The following ZNF469 variants were observed in gnomAD, a reference collection of about 807,000 sequenced individuals.
The protein encoded by ZNF469 is zinc finger protein 469.
In ZNF469, 1 loss-of-function variant was observed where a neutral mutation model predicts 1.0. The observed-to-expected ratio is 1.00, with a 90% CI of 0.35 to 4.73. The LOEUF (loss-of-function observed/expected upper bound fraction) is 4.73. Among genes scored for constraint, ZNF469 ranks in the 30% most tolerant of loss-of-function variants. The pLI, the probability that ZNF469 is intolerant of heterozygous loss-of-function variation, is 0.16. For missense variants in ZNF469, 6,100 were observed against 5,356.3 expected, an observed-to-expected ratio of 1.14 and a Z score of -4.33; for synonymous variants, 2,703 against 2,363.4, an observed-to-expected ratio of 1.14 and a Z score of -4.17.
the ZNF469 span, among the ~76,000 whole-genome samples, chr16:88,313,243 G>A: frequency 5.3e-5 from 8 of 152,128 alleles, no homozygotes; most frequent in Non-Finnish European, 8.8e-5. Context: ...AATTATATAT[G>A]AGAAAGCTGT....
Position 88,431,850 on chromosome 16 carries a change from G to C in ZNF469, c.4380G>C (p.Pro1460=). The C allele has an allele frequency of 6.5e-7, 1 of 1,550,042 alleles. No homozygotes were observed. The highest frequency in any genetic ancestry group is 8.7e-7 in the Non-Finnish European group (1 of 1,146,942). The stretch of plus-strand genomic sequence containing the variant: ...CCTCATCCCTCTTCCCAGACCTGCC[G>C]GTGGACAGATTCGACCCACCCCTCT... ...LESSSLFPDL[P]VDRFDPPLYG... is the part of the protein sequence containing the mutation. The change falls in exon 3 of 3, where the codon CCG becomes CCC. Residue 1460 remains proline (P), a synonymous_variant. Coordinates refer to ENST00000565624, the MANE Select transcript of ZNF469 (RefSeq NM_001367624.2).
the ZNF469 span, among the ~76,000 whole-genome samples, chr16:88,248,469 T>C: frequency 6.6e-6 from 1 of 152,106 alleles, no homozygotes; most frequent in Non-Finnish European, 1.5e-5. Flanking sequence ...CCCAGCACTT[T>C]GGGAGGCCAA....
the ZNF469 span, among the ~76,000 whole-genome samples, chr16:88,242,532 G>A: frequency 6.6e-6 from 1 of 152,200 alleles, no homozygotes; most frequent in Non-Finnish European, 1.5e-5. Flanking sequence ...TGCTACCTGA[G>A]TCACCTCTCT....
At chr16:88,321,661 T>G in the ZNF469 span, among the ~76,000 whole-genome samples, 2 of 152,326 alleles carry the variant, frequency 1.3e-5, no homozygotes, top group South Asian at 2.1e-4. Context: ...CCTCGGATTC[T>G]GCTCATAAGG....
At chr16:88,288,715 G>A in the ZNF469 span, among the ~76,000 whole-genome samples, 1 of 152,160 alleles carries the variant, frequency 6.6e-6, no homozygotes. Flanking sequence ...AGACCTGCTT[G>A]TCCAAAAAGT....
At chr16:88,233,045 C>G in the ZNF469 span, among the ~76,000 whole-genome samples, 3 of 152,188 alleles carry the variant, frequency 2.0e-5, no homozygotes, top group African/African-American at 4.8e-5. Context: ...CTGGCTCAGC[C>G]TCCCACGGCC....
chr16:88,410,468 C>T lies in ZNF469; in HGVS notation c.-191-14339C>T, dbSNP rs76722345. On this transcript the variant is annotated intron_variant, in intron 1 of 2. Coordinates refer to ENST00000565624, the MANE Select transcript of ZNF469 (RefSeq NM_001367624.2). Reference sequence around the variant, plus strand: ...GTCACACAGTGACATCTATGATGCACGGTTCACGGTGACGTCTATGATGCC... The same window carrying T: ...GTCACACAGTGACATCTATGATGCATGGTTCACGGTGACGTCTATGATGCC... 8.5e-4 allele frequency among the ~76,000 whole-genome samples: 112 copies of T among 132,166 alleles called. 2 individuals carry two copies. The East Asian group carries it at 0.022, about 26-fold the overall frequency. 86.7% of individuals were successfully genotyped at this position (132,166 alleles called of 152,430 possible).
chr16:88,331,325 G>A, the ZNF469 span, among the ~76,000 whole-genome samples: 1 of 131,166 alleles, frequency 7.6e-6, no homozygotes, highest in African/African-American at 3.0e-5. Context: ...TTGTTACCAT[G>A]ACCATCACCA....
At position 88,434,216 on chromosome 16, in the gene ZNF469, C is replaced by T. The variant is rs766105867; in HGVS notation, c.6746C>T (p.Thr2249Ile). 3.9e-6 allele frequency: 6 copies of T among 1,550,378 alleles called. 1 individual carries two copies. In the South Asian group the frequency reaches 5.9e-5, roughly 15 times the overall value. The change falls in exon 3 of 3, where the codon ACT (threonine) becomes ATT (isoleucine). Residue 2249 changes from threonine to isoleucine, a missense_variant. Thr to Ile is a moderately conservative substitution (Grantham distance 89). Transcript: ENST00000565624. ...THSGDTPKDS[T>I]LRIPEDSRKE... Reference sequence around the variant, plus strand: ...AGTGGGGACACCCCCAAAGACAGCACTTTAAGAATTCCAGAGGATTCCAGA... The same window carrying T: ...AGTGGGGACACCCCCAAAGACAGCATTTTAAGAATTCCAGAGGATTCCAGA...
At chr16:88,137,525 G>A in the ZNF469 span, among the ~76,000 whole-genome samples, 1 of 152,308 alleles carries the variant, frequency 6.6e-6, no homozygotes. Context: ...ACACATGCAT[G>A]CAACCACATG....
At chr16:88,394,423 C>A (rs1035071831) in intron 1 of ZNF469, among the ~76,000 whole-genome samples, 1 of 152,240 alleles carries the variant, frequency 6.6e-6, no homozygotes, top group African/African-American at 2.4e-5. Context: ...CCGGCATAAC[C>A]GCAATAGTTT....
chr16:88,277,224 G>A, the ZNF469 span, among the ~76,000 whole-genome samples: 2,416 of 144,490 alleles, frequency 0.017, 150 homozygotes, highest in East Asian at 0.11. Flanking sequence ...TTAGTGCTGT[G>A]CCACACCGAC....
the ZNF469 span, among the ~76,000 whole-genome samples, chr16:88,340,764 G>C: frequency 6.6e-6 from 1 of 151,650 alleles, no homozygotes; most frequent in Non-Finnish European, 1.5e-5. Context: ...GGGTGGGTCA[G>C]AGGGGAGGGT....
the ZNF469 span, among the ~76,000 whole-genome samples, chr16:88,204,212 A>G: frequency 6.6e-6 from 1 of 151,072 alleles, no homozygotes; most frequent in African/African-American, 2.5e-5. Flanking sequence ...CTCATAGAGA[A>G]GCGGGAGGCG....
At chr16:88,140,936 AAAAC>A in the ZNF469 span, among the ~76,000 whole-genome samples, 4 of 152,142 alleles carry the variant, frequency 2.6e-5, no homozygotes, top group Non-Finnish European at 4.4e-5. Flanking sequence ...CTGTCTCAAA[AAAAC>A]AAACAAACAA....
chr16:88,113,159 G>A, the ZNF469 span, among the ~76,000 whole-genome samples: 2 of 152,166 alleles, frequency 1.3e-5, no homozygotes, highest in Non-Finnish European at 2.9e-5. Flanking sequence ...GGCATTGCTT[G>A]AGAAATGTTT....
At chr16:88,380,296 C>A (rs976476579), upstream of ZNF469, among the ~76,000 whole-genome samples, 1 of 148,772 alleles carries the variant, frequency 6.7e-6, no homozygotes, top group Non-Finnish European at 1.5e-5. Flanking sequence ...CACACACACA[C>A]GCACTAAAAC....
chr16:88,355,497 G>T, the ZNF469 span, among the ~76,000 whole-genome samples: 1 of 152,202 alleles, frequency 6.6e-6, no homozygotes, highest in Non-Finnish European at 1.5e-5. Flanking sequence ...GCGTGGCGTC[G>T]GTGACCCGGG....
rs993537983 is a variant in ZNF469 at position 88,436,953 on chromosome 16, G to T, written c.9483G>T (p.Gly3161=). 4 of 1,495,168 alleles carry T rather than the reference G, an allele frequency of 2.7e-6. No homozygotes were observed. The highest frequency in any genetic ancestry group is 2.7e-6 in the Non-Finnish European group (3 of 1,123,916). 92.6% of individuals were successfully genotyped at this position (1,495,168 alleles called of 1,614,324 possible). A position where few individuals can be genotyped will look rare whatever the true frequency, so the allele number is the denominator to read the frequency against. The stretch of plus-strand genomic sequence containing the variant: ...TTGGCTCGCGGGAGCTGCTGCGGGG[G>T]CACCTGCAGGAGAGGCACGCGCAGA... ...RRFGSRELLR[G]HLQERHAQSK... Residue 3161 remains glycine (G), a synonymous_variant, in exon 3 of 3, where the codon GGG becomes GGT. Coordinates refer to ENST00000565624, the MANE Select transcript of ZNF469 (RefSeq NM_001367624.2).
Sources: allele counts gnomAD v4.1 joint callset (sites outside exome capture counted in the v4.1 genomes callset), GRCh38; gene constraint gnomAD v4.1.1; transcripts MANE v1.5; gene names NCBI Gene and HGNC (gene_info 2026-07-23, HGNC 2026-07-21).